Variants in IGSF5 observed in about 807,000 individuals in gnomAD.
The protein encoded by IGSF5 is immunoglobulin superfamily member 5.
A neutral mutation model predicts 39.4 loss-of-function variants in IGSF5; 41 were observed. The ratio of observed to expected loss-of-function variants is 1.04; its 90% CI spans 0.81 to 1.35. The LOEUF (loss-of-function observed/expected upper bound fraction) is 1.35, where lower values mean the gene tolerates loss of function less well. Among genes scored for constraint, IGSF5 ranks in the 40% most tolerant of loss-of-function variants. The probability of loss-of-function intolerance (pLI) is 0.00; values close to 1 mark genes in which losing one functional copy is unlikely to be tolerated. For synonymous variants in IGSF5, 183 were observed against 175.3 expected (o/e 1.04, Z -0.34); for missense variants, 487 against 494.6 (o/e 0.98, Z 0.15).
chr21:39,712,093 T>C, the IGSF5 span, among the ~76,000 whole-genome samples: 1 of 152,190 alleles, frequency 6.6e-6, no homozygotes. Flanking sequence ...CTGAATCCCA[T>C]ACTCATGGTA....
the IGSF5 span, among the ~76,000 whole-genome samples, chr21:39,727,259 C>T: frequency 1.3e-5 from 2 of 152,226 alleles, no homozygotes; most frequent in East Asian, 3.8e-4. Context: ...CTGAGGTTCA[C>T]AGTAAAGGTT....
At chr21:39,784,092 A>G (rs1455881022) in intron 5 of IGSF5, among the ~76,000 whole-genome samples, 1 of 152,208 alleles carries the variant, frequency 6.6e-6, no homozygotes, top group Non-Finnish European at 1.5e-5. Flanking sequence ...TCCATCTGTG[A>G]TATACCTTTA....
At chr21:39,714,178 G>T in the IGSF5 span, among the ~76,000 whole-genome samples, 1 of 152,246 alleles carries the variant, frequency 6.6e-6, no homozygotes, top group African/African-American at 2.4e-5. Flanking sequence ...TCTAGAAAAA[G>T]TTCTACATGG....
At chr21:39,750,866 G>A (rs555612738) in intron 2 of IGSF5, among the ~76,000 whole-genome samples, 2 of 152,364 alleles carry the variant, frequency 1.3e-5, no homozygotes, top group South Asian at 4.1e-4. Flanking sequence ...CATGTTTTGG[G>A]CAGGAAGGAT....
intron 2 of IGSF5, among the ~76,000 whole-genome samples, chr21:39,752,181 G>A (rs905661320): frequency 1.6e-4 from 24 of 152,058 alleles, no homozygotes; most frequent in African/African-American, 5.8e-4. Flanking sequence ...TCCTCCCTGA[G>A]TCCCCAAAGT....
chr21:39,713,912 T>A, the IGSF5 span, among the ~76,000 whole-genome samples: 1 of 152,242 alleles, frequency 6.6e-6, no homozygotes, highest in Non-Finnish European at 1.5e-5. Context: ...ACTTGTTGCA[T>A]TTTGTTCATT....
intron 4 of IGSF5, among the ~76,000 whole-genome samples, chr21:39,778,768 A>T (rs577689193): frequency 6.6e-6 from 1 of 152,312 alleles, no homozygotes; most frequent in East Asian, 1.9e-4. Context: ...GTCAAACGTG[A>T]CCATCACTAT....
intron 2 of IGSF5, among the ~76,000 whole-genome samples, chr21:39,760,520 G>T (rs76288843): frequency 5.8e-3 from 879 of 152,190 alleles, no homozygotes; most frequent in Non-Finnish European, 9.8e-3. Context: ...GTGATCGGAG[G>T]GTGAAGTTTG....
chr21:39,764,521 G>A (rs559603905), intron 2 of IGSF5, among the ~76,000 whole-genome samples: 1 of 152,322 alleles, frequency 6.6e-6, no homozygotes, highest in South Asian at 2.1e-4. Context: ...TGTATTTTCA[G>A]TAGAGATGGG....
chr21:39,791,732 A>G (rs2086966515), intron 6 of IGSF5: 2 of 325,908 alleles, frequency 6.1e-6, no homozygotes, highest in Middle Eastern at 8.7e-4. Context: ...CTCTTGTTTT[A>G]TTTGGTGAAT....
At chr21:39,751,235 A>G (rs1037864111) in intron 2 of IGSF5, 2 of 152,184 alleles carry the variant, frequency 1.3e-5, no homozygotes, top group Admixed American at 1.3e-4. Flanking sequence ...GTGTGTTTCT[A>G]CATTTGTATG....
At chr21:39,738,421 C>T in the IGSF5 span, among the ~76,000 whole-genome samples, 1 of 152,206 alleles carries the variant, frequency 6.6e-6, no homozygotes, top group Non-Finnish European at 1.5e-5. This position sits in a 1 kb window ranked among gnomAD's most constrained non-coding sequence, Gnocchi z 6.4. Context: ...AACGGAGCTA[C>T]AGTTCAAGAT....
intron 2 of IGSF5, among the ~76,000 whole-genome samples, chr21:39,756,039 C>T (rs1055102734): frequency 2.6e-5 from 4 of 152,238 alleles, no homozygotes; most frequent in South Asian, 2.1e-4. Context: ...TGCAGTGAGC[C>T]GAGATCGTGC....
chr21:39,781,957 A>G (rs763455038), intron 5 of IGSF5, among the ~76,000 whole-genome samples: 1 of 151,950 alleles, frequency 6.6e-6, no homozygotes. Context: ...TCTGGTGCTT[A>G]TATCTTATAT....
the IGSF5 span, among the ~76,000 whole-genome samples, chr21:39,737,779 G>T: frequency 6.6e-6 from 1 of 152,134 alleles, no homozygotes; most frequent in Non-Finnish European, 1.5e-5. Flanking sequence ...GGCAAAAAGG[G>T]TTTGGTCTAA....
the IGSF5 span, among the ~76,000 whole-genome samples, chr21:39,713,547 G>C: frequency 1.3e-5 from 2 of 152,108 alleles, no homozygotes; most frequent in Non-Finnish European, 2.9e-5. Context: ...AGGGCCTGCC[G>C]GGCTGTATGG....
chr21:39,754,054 C>G (rs1417758628), intron 2 of IGSF5, among the ~76,000 whole-genome samples: 1 of 152,012 alleles, frequency 6.6e-6, no homozygotes, highest in East Asian at 1.9e-4. Context: ...CTAGATACTT[C>G]TATTTTTAAT....
Position 39,746,276 on chromosome 21 carries a change from G to A in IGSF5, c.78G>A (p.Trp26Ter). ...GGAAGTCAGCGGCGGGTCTGCGATG[G>A]TGGCAAACAGCAGTGGTGGACGGTG... ...EEWKSAAGLR[W>*]WQTAVVDGSG... is the part of the protein sequence containing the mutation. The change falls in exon 2 of 9, where the codon TGG becomes TGA. Residue 26 changes from tryptophan to a stop codon, truncating the protein, a stop_gained. Coordinates refer to ENST00000380588, the MANE Select transcript of IGSF5 (RefSeq NM_001080444.2). LOFTEE classifies it high-confidence loss of function. 1.4e-6 allele frequency: 1 copy of A among 701,408 alleles called. No individual in the cohort carries two copies. 43.4% of individuals were successfully genotyped at this position (701,408 alleles called of 1,614,324 possible).
chr21:39,717,988 C>T, the IGSF5 span, among the ~76,000 whole-genome samples: 1 of 151,930 alleles, frequency 6.6e-6, no homozygotes, highest in Non-Finnish European at 1.5e-5. Flanking sequence ...AGTGTTTTTC[C>T]ATTTGTTTGT....
Sources: gnomAD v4.1 joint callset for allele counts (sites outside exome capture counted in the v4.1 genomes callset) on GRCh38, gnomAD v4.1.1 for gene constraint, Gnocchi (gnomAD v3.1) non-coding constraint, MANE v1.5 for transcripts, NCBI Gene and HGNC (gene_info 2026-07-23, HGNC 2026-07-21) for gene names.